Variants in FIG4 observed in about 807,000 individuals in gnomAD.
FIG4 encodes the protein FIG4 phosphoinositide 5-phosphatase, also known as polyphosphoinositide phosphatase.
FIG4 carries 112 observed loss-of-function variants against 118.6 expected under a neutral mutation model. The ratio of observed to expected loss-of-function variants is 0.94; its 90% CI spans 0.81 to 1.11. The LOEUF (loss-of-function observed/expected upper bound fraction) is 1.11, where lower values mean the gene tolerates loss of function less well. Ranked by LOEUF, FIG4 falls within the 50% of genes least tolerant of loss-of-function variation. FIG4 has a pLI of 0.00. For missense variants in FIG4, 969 were observed against 1,111.7 expected (o/e 0.87, Z 1.83); for synonymous variants, 369 against 381.2 (o/e 0.97, Z 0.37).
intron 21 of FIG4, among the ~76,000 whole-genome samples, chr6:109,796,296 C>T (rs561763377): frequency 3.3e-5 from 5 of 152,166 alleles, no homozygotes; most frequent in Non-Finnish European, 7.3e-5. Flanking sequence ...TAGCAGTGTC[C>T]CTGCTTCAGG....
At chr6:109,741,729 C>T (rs1776330492) in intron 8 of FIG4, among the ~76,000 whole-genome samples, 185 bp downstream of exon 8, 1 of 152,136 alleles carries the variant, frequency 6.6e-6, no homozygotes, top group Non-Finnish European at 1.5e-5. Context: ...CCAAAATCCA[C>T]AGATGCTGAA....
rs551595353 is a variant in FIG4, at chr6:109,782,632, CTACTT to C, written c.1890-2333_1890-2329del. On this transcript the variant is annotated intron_variant, in intron 16 of 22. Transcript: ENST00000230124. ...AATTTCTCATATACTGATAACTTCT[CTACTT>C]TACTCGTCTGCCAGTGTTAGATCAT... Among the ~76,000 whole-genome samples the C allele has an allele frequency of 1.2e-3, 185 of 152,264 alleles. 1 individual carries two copies. Among genetic ancestry groups the C allele is most frequent in the African/African-American group, 4.1e-3 (171 of 41,546 alleles).
intron 22 of FIG4, among the ~76,000 whole-genome samples, chr6:109,824,318 A>G (rs753824695): frequency 1.3e-5 from 2 of 152,254 alleles, no homozygotes; most frequent in Non-Finnish European, 2.9e-5. Flanking sequence ...AATTGTCAGC[A>G]TAGCAGGATG....
At chr6:109,805,571 G>A (rs1778542473) in intron 22 of FIG4, among the ~76,000 whole-genome samples, 1 of 151,998 alleles carries the variant, frequency 6.6e-6, no homozygotes, top group Non-Finnish European at 1.5e-5. Context: ...ATTACTAAAG[G>A]GTTGCAGTTT....
intron 10 of FIG4, among the ~76,000 whole-genome samples, chr6:109,752,892 T>C (rs1776755902): frequency 6.6e-6 from 1 of 152,220 alleles, no homozygotes; most frequent in Admixed American, 6.5e-5. Flanking sequence ...GCTTTTGGTG[T>C]TCTAGACATG....
chr6:109,745,286 C>T (rs1392010632), intron 10 of FIG4, among the ~76,000 whole-genome samples: 2 of 152,190 alleles, frequency 1.3e-5, no homozygotes, highest in Admixed American at 6.5e-5. Context: ...TATTTTTCCA[C>T]GTCATCTCCA....
intron 3 of FIG4, among the ~76,000 whole-genome samples, chr6:109,719,915 A>G (rs935301811): frequency 5.3e-5 from 8 of 152,170 alleles, no homozygotes; most frequent in Admixed American, 2.0e-4. Flanking sequence ...CTTTGAATCA[A>G]TTGATAACCA....
At chr6:109,809,272 T>A (rs1160251398) in intron 22 of FIG4, among the ~76,000 whole-genome samples, 5 of 152,238 alleles carry the variant, frequency 3.3e-5, no homozygotes, top group African/African-American at 1.2e-4. Context: ...AATCCAGTTG[T>A]CTTCTATTAA....
chr6:109,789,382 T>G (rs1374028084), intron 18 of FIG4, among the ~76,000 whole-genome samples: 1 of 152,126 alleles, frequency 6.6e-6, no homozygotes, highest in African/African-American at 2.4e-5. Flanking sequence ...GGCCTCGTGA[T>G]CATAGAGAAT....
intron 22 of FIG4, among the ~76,000 whole-genome samples, chr6:109,803,371 G>A (rs1474850460): frequency 2.6e-5 from 4 of 152,198 alleles, no homozygotes; most frequent in African/African-American, 9.7e-5. Context: ...CTTGTTAGTG[G>A]ATTGGGTTTC....
intron 15 of FIG4, among the ~76,000 whole-genome samples, chr6:109,768,043 G>A (rs900368617): frequency 1.2e-4 from 19 of 152,342 alleles, no homozygotes; most frequent in African/African-American, 4.6e-4. Flanking sequence ...ATCTGAAGCA[G>A]AGGGATGGGC....
intron 15 of FIG4, among the ~76,000 whole-genome samples, chr6:109,772,449 T>G (rs1777494632): frequency 6.6e-6 from 1 of 152,132 alleles, no homozygotes; most frequent in Admixed American, 6.5e-5. Context: ...GGATATTGAA[T>G]TAGTTTTTTT....
In FIG4 at chr6:109,742,990, C is replaced by CT; in HGVS notation, c.877-117dup. ...ATTGATCAATATTTACCTCTCAAGACTTTCAAAGAATAGGAATTATAACTT... is the reference window on the plus strand; with the variant it reads ...ATTGATCAATATTTACCTCTCAAGACTTTTCAAAGAATAGGAATTATAACTT... On this transcript the variant is annotated intron_variant, in intron 8 of 22. Coordinates refer to ENST00000230124, the MANE Select transcript of FIG4 (RefSeq NM_014845.6). 5 of 915,128 alleles carry CT rather than the reference C, an allele frequency of 5.5e-6. 1 individual carries two copies. The Admixed American group carries it at 1.0e-4, about 19-fold the overall frequency. 56.7% of individuals were successfully genotyped at this position (915,128 alleles called of 1,614,324 possible).
intron 5 of FIG4, 45 bp from the exon 6 acceptor site, chr6:109,735,105 T>C (rs780262429): frequency 6.4e-7 from 1 of 1,557,974 alleles, no homozygotes; most frequent in Non-Finnish European, 8.8e-7. Flanking sequence ...CCATGAAATA[T>C]GCTTTGCTTT....
chr6:109,763,116 A>G lies in FIG4; in HGVS notation c.1389-821A>G, dbSNP rs989242251. 3.9e-5 allele frequency among the ~76,000 whole-genome samples: 6 copies of G among 152,350 alleles called. 1 individual carries two copies. On this transcript the variant is annotated intron_variant, in intron 12 of 22. Coordinates refer to ENST00000230124, the MANE Select transcript of FIG4 (RefSeq NM_014845.6). ...TCTGTTTTTTTACTGGAGGCTGGTC[A>G]CATAGGCAGCCTCTGCCTGACATAT...
At chr6:109,760,224 CT>C (rs1394217800) in intron 10 of FIG4, 25 bp from the exon 11 acceptor site, 1 of 1,601,866 alleles carries the variant, frequency 6.2e-7, no homozygotes, top group East Asian at 2.2e-5. Flanking sequence ...AATTAGAACA[CT>C]GAAAATGTTT....
At chr6:109,714,593 G>T (rs775006365) in intron 1 of FIG4, among the ~76,000 whole-genome samples, 18 of 152,122 alleles carry the variant, frequency 1.2e-4, no homozygotes, top group Admixed American at 5.2e-4. Flanking sequence ...ATCATTTATG[G>T]GACTTTTGGG....
intron 13 of FIG4, among the ~76,000 whole-genome samples, chr6:109,764,410 C>G (rs1026279701): frequency 6.7e-6 from 1 of 149,982 alleles, no homozygotes; most frequent in Non-Finnish European, 1.5e-5. Context: ...TGCACTCCAG[C>G]CTGGGTGACA....
chr6:109,764,895 T>TTTTTTTTG, intron 13 of FIG4, 118 bp from the exon 14 acceptor site: 1 of 811,090 alleles, frequency 1.2e-6, no homozygotes, highest in Non-Finnish European at 2.1e-6. Context: ...CCCACAGACT[T>TTTTTTTTG]TTTTTGTTTT....
Sources: allele counts gnomAD v4.1 joint callset (sites outside exome capture counted in the v4.1 genomes callset), GRCh38; gene constraint gnomAD v4.1.1; transcripts MANE v1.5; gene names NCBI Gene and HGNC (gene_info 2026-07-23, HGNC 2026-07-21).